The following TACR1 variants were observed in gnomAD, a reference collection of about 807,000 sequenced individuals.
TACR1 encodes the protein substance-P receptor.
A neutral mutation model predicts 35.8 loss-of-function variants in TACR1; 25 were observed. The observed-to-expected ratio is 0.70, with a 90% confidence interval of 0.51 to 0.98. The LOEUF is 0.98. TACR1 is among the 50% of genes least tolerant of loss of function. The probability of loss-of-function intolerance (pLI) is 0.00; values close to 1 mark genes in which losing one functional copy is unlikely to be tolerated. For synonymous variants in TACR1, 195 were observed against 206.7 expected, an observed-to-expected ratio of 0.94 and a Z score of 0.48; for missense variants, 478 against 522.9, an observed-to-expected ratio of 0.91 and a Z score of 0.84.
chr2:75,166,554 A>C (rs910995460), intron 1 of TACR1, among the ~76,000 whole-genome samples: 2 of 152,160 alleles, frequency 1.3e-5, no homozygotes, highest in Non-Finnish European at 2.9e-5. Context: ...CCACTCCCAC[A>C]CACCTTTATT....
intron 2 of TACR1, among the ~76,000 whole-genome samples, chr2:75,071,181 GA>G (rs999256092): frequency 2.0e-5 from 3 of 151,808 alleles, no homozygotes; most frequent in Non-Finnish European, 4.4e-5. Context: ...TGGCCTCTTA[GA>G]AAAATGTGTT....
At chr2:75,051,502 TG>T (rs1672470334) in intron 3 of TACR1, 55 bp from the exon 4 acceptor site, 1 of 1,601,534 alleles carries the variant, frequency 6.2e-7, no homozygotes, top group Non-Finnish European at 8.5e-7. Context: ...CTCTCACGGC[TG>T]CTTCCTCTCT....
intron 2 of TACR1, among the ~76,000 whole-genome samples, chr2:75,114,059 A>G (rs1488848807): frequency 1.3e-5 from 2 of 152,236 alleles, no homozygotes; most frequent in African/African-American, 2.4e-5. Context: ...TGACGATGGC[A>G]TATTTTTGTA....
chr2:75,103,530 T>C (rs1673582407), intron 2 of TACR1, among the ~76,000 whole-genome samples: 1 of 151,018 alleles, frequency 6.6e-6, no homozygotes, highest in East Asian at 1.9e-4. Context: ...CCAAAATAAA[T>C]ACCCATGAGT....
chr2:75,151,909 C>T (rs1330470675), intron 1 of TACR1, among the ~76,000 whole-genome samples: 1 of 152,208 alleles, frequency 6.6e-6, no homozygotes, highest in Non-Finnish European at 1.5e-5. Flanking sequence ...CGATGTGAGA[C>T]CTGGAGTCAA....
At chr2:75,065,550 C>A (rs1672746605) in intron 2 of TACR1, among the ~76,000 whole-genome samples, 1 of 152,024 alleles carries the variant, frequency 6.6e-6, no homozygotes, top group Non-Finnish European at 1.5e-5. Context: ...AGGCTTTTTG[C>A]TGGGTGGGTA....
intron 2 of TACR1, among the ~76,000 whole-genome samples, chr2:75,113,266 G>C (rs535508147): frequency 6.6e-6 from 1 of 152,184 alleles, no homozygotes. Flanking sequence ...CTCCATCTGA[G>C]GACAGCTGCC....
chr2:75,075,370 G>GA (rs552313736), intron 2 of TACR1, among the ~76,000 whole-genome samples: 23 of 152,266 alleles, frequency 1.5e-4, no homozygotes, highest in African/African-American at 5.3e-4. Context: ...TTACAAAGTT[G>GA]AACATGTGCA....
intron 1 of TACR1, among the ~76,000 whole-genome samples, chr2:75,165,276 G>A (rs79127097): frequency 0.016 from 2,376 of 152,076 alleles, 58 homozygotes; most frequent in African/African-American, 0.054. Flanking sequence ...GCCCACTTGG[G>A]GCTGGTGTCC....
chr2:75,068,754 A>G (rs904498845), intron 2 of TACR1, among the ~76,000 whole-genome samples: 7 of 152,166 alleles, frequency 4.6e-5, no homozygotes, highest in African/African-American at 7.2e-5. Context: ...TATTGGGTAA[A>G]TAGCACCCCC....
chr2:75,062,378 T>A (rs1672688124), intron 2 of TACR1, among the ~76,000 whole-genome samples: 2 of 152,226 alleles, frequency 1.3e-5, no homozygotes, highest in South Asian at 4.1e-4. Context: ...CTTCCTGATA[T>A]CTTCCTACAC....
intron 1 of TACR1, among the ~76,000 whole-genome samples, chr2:75,178,464 C>T (rs950144263): frequency 9.2e-5 from 14 of 151,626 alleles, no homozygotes; most frequent in African/African-American, 3.1e-4. Flanking sequence ...GGATTACAGG[C>T]GTGAGCCACT....
chr2:75,198,001 G>A (rs577645483), intron 1 of TACR1, among the ~76,000 whole-genome samples: 59 of 152,054 alleles, frequency 3.9e-4, no homozygotes, highest in African/African-American at 1.4e-3. Context: ...ACAAACCAAC[G>A]AACCAACCAA....
At chr2:75,054,403 A>G (rs991985176) in intron 2 of TACR1, among the ~76,000 whole-genome samples, 13 of 152,268 alleles carry the variant, frequency 8.5e-5, no homozygotes, top group African/African-American at 2.4e-4. Flanking sequence ...GCCACATAGC[A>G]TAAGCCATTT....
At chr2:75,169,647 G>A (rs985710782) in intron 1 of TACR1, among the ~76,000 whole-genome samples, 3 of 152,148 alleles carry the variant, frequency 2.0e-5, no homozygotes, top group African/African-American at 4.8e-5. Flanking sequence ...GAATATTAAT[G>A]GGTATAGATT....
intron 1 of TACR1, among the ~76,000 whole-genome samples, chr2:75,183,292 CT>C (rs2104054693): frequency 6.6e-6 from 1 of 152,144 alleles, no homozygotes; most frequent in Non-Finnish European, 1.5e-5. Context: ...GCTTTTCTTA[CT>C]GTATAGTTTA....
At chr2:75,166,554 A>G (rs910995460) in intron 1 of TACR1, among the ~76,000 whole-genome samples, 2 of 152,278 alleles carry the variant, frequency 1.3e-5, no homozygotes, top group African/African-American at 4.8e-5. Flanking sequence ...CCACTCCCAC[A>G]CACCTTTATT....
At chr2:75,123,216 C>T (rs1021972023) in intron 1 of TACR1, among the ~76,000 whole-genome samples, 1 of 117,238 alleles carries the variant, frequency 8.5e-6, no homozygotes, top group Admixed American at 8.1e-5. Flanking sequence ...CCTACCCTCA[C>T]TGGCAGCTGT....
At chr2:75,191,832 C>A (rs367633792) in intron 1 of TACR1, among the ~76,000 whole-genome samples, 1 of 151,998 alleles carries the variant, frequency 6.6e-6, no homozygotes, top group Non-Finnish European at 1.5e-5. Flanking sequence ...TTGCTCATGA[C>A]GCACACATTT....
Sources: allele counts gnomAD v4.1 joint callset (sites outside exome capture counted in the v4.1 genomes callset), GRCh38; gene constraint gnomAD v4.1.1; transcripts MANE v1.5; gene names NCBI Gene and HGNC (gene_info 2026-07-23, HGNC 2026-07-21).